The following AFG2A variants were observed in gnomAD, a reference collection of about 807,000 sequenced individuals.
The protein encoded by AFG2A is AAA ATPase AFG2A.
chr4:123,027,996 A>T, the AFG2A span, among the ~76,000 whole-genome samples: 1 of 151,192 alleles, frequency 6.6e-6, no homozygotes, highest in Non-Finnish European at 1.5e-5. Context: ...TTTTTACAAT[A>T]TGCAGTTCAC....
At chr4:123,003,220 A>G in the AFG2A span, among the ~76,000 whole-genome samples, 2 of 152,186 alleles carry the variant, frequency 1.3e-5, no homozygotes, top group South Asian at 2.1e-4. Context: ...AGTTTTTTCA[A>G]AGTTTTCAAC....
the AFG2A span, among the ~76,000 whole-genome samples, chr4:123,212,937 C>G: frequency 6.6e-6 from 1 of 152,080 alleles, no homozygotes; most frequent in Non-Finnish European, 1.5e-5. Context: ...TATAAAATAA[C>G]ACAGAGCCTG....
At chr4:123,076,463 T>C in the AFG2A span, among the ~76,000 whole-genome samples, 160 of 152,324 alleles carry the variant, frequency 1.1e-3, no homozygotes, top group African/African-American at 3.8e-3. Context: ...TATTTATGTT[T>C]GCAACATTCA....
the AFG2A span, among the ~76,000 whole-genome samples, chr4:123,113,564 A>G: frequency 6.6e-6 from 1 of 152,208 alleles, no homozygotes; most frequent in Non-Finnish European, 1.5e-5. Context: ...AGCAAGAGTG[A>G]TTGTGCTGAT....
the AFG2A span, among the ~76,000 whole-genome samples, chr4:122,982,864 C>CTTTTTTTTTTTTTTTTTTTTTTTTT: frequency 1.1e-5 from 1 of 93,766 alleles, no homozygotes; most frequent in Non-Finnish European, 1.9e-5. Context: ...TAATCTTCTT[C>CTTTTTTTTTTTTTTTTTTTTTTTTT]TTTTTTTTTT....
the AFG2A span, among the ~76,000 whole-genome samples, chr4:123,064,289 A>C: frequency 0.012 from 1,832 of 152,322 alleles, 40 homozygotes; most frequent in African/African-American, 0.041. Context: ...AAAATGGATA[A>C]TATGATAGGG....
the AFG2A span, among the ~76,000 whole-genome samples, chr4:122,998,729 G>A: frequency 2.6e-5 from 4 of 152,132 alleles, no homozygotes; most frequent in African/African-American, 9.7e-5. Flanking sequence ...CATTTGGGTT[G>A]GTTCCAAGTC....
the AFG2A span, among the ~76,000 whole-genome samples, chr4:123,111,888 C>T: frequency 6.6e-6 from 1 of 151,990 alleles, no homozygotes; most frequent in Non-Finnish European, 1.5e-5. Flanking sequence ...AGGCATGTGC[C>T]AATTTTTGTA....
At chr4:123,164,064 C>T in the AFG2A span, among the ~76,000 whole-genome samples, 3,325 of 152,252 alleles carry the variant, frequency 0.022, 65 homozygotes, top group Non-Finnish European at 0.035. Flanking sequence ...TTTGCTCTTT[C>T]TCTGCACATT....
the AFG2A span, among the ~76,000 whole-genome samples, chr4:123,098,852 C>T: frequency 1.3e-5 from 2 of 152,088 alleles, no homozygotes; most frequent in South Asian, 2.1e-4. Flanking sequence ...CTTGGACATA[C>T]TGATTTCATT....
the AFG2A span, among the ~76,000 whole-genome samples, chr4:123,000,369 C>A: frequency 2.6e-5 from 4 of 151,268 alleles, no homozygotes; most frequent in African/African-American, 9.7e-5. Flanking sequence ...GAGAGGGCAT[C>A]CCTGTCTTGT....
the AFG2A span, among the ~76,000 whole-genome samples, chr4:123,274,058 T>C: frequency 6.6e-6 from 1 of 152,180 alleles, no homozygotes; most frequent in African/African-American, 2.4e-5. Context: ...ACCTGCTTGA[T>C]AATCTATTCT....
the AFG2A span, among the ~76,000 whole-genome samples, chr4:123,258,529 A>G: frequency 6.6e-6 from 1 of 152,192 alleles, no homozygotes; most frequent in Non-Finnish European, 1.5e-5. Flanking sequence ...TTGTTACAAG[A>G]GGAGCCCTCT....
At chr4:123,255,222 T>C in the AFG2A span, among the ~76,000 whole-genome samples, 1 of 152,102 alleles carries the variant, frequency 6.6e-6, no homozygotes, top group Non-Finnish European at 1.5e-5. Context: ...TCCTTGCCCT[T>C]CCAAAGTGCT....
At chr4:123,130,583 A>C in the AFG2A span, among the ~76,000 whole-genome samples, 1 of 152,036 alleles carries the variant, frequency 6.6e-6, no homozygotes, top group Non-Finnish European at 1.5e-5. Flanking sequence ...GTGTTACTGT[A>C]TCAGTAGTTT....
chr4:123,203,159 T>TC, the AFG2A span, among the ~76,000 whole-genome samples: 6 of 112,676 alleles, frequency 5.3e-5, no homozygotes, highest in Non-Finnish European at 1.1e-4. Flanking sequence ...GTTGTACTTT[T>TC]TTTTTTTTTT....
At chr4:122,940,583 C>G in the AFG2A span, among the ~76,000 whole-genome samples, 8,017 of 151,374 alleles carry the variant, frequency 0.053, 567 homozygotes, top group African/African-American at 0.18. Flanking sequence ...TCTGTAGCTT[C>G]CCTGTTCACT....
chr4:123,002,910 G>C, the AFG2A span, among the ~76,000 whole-genome samples: 1 of 152,118 alleles, frequency 6.6e-6, no homozygotes, highest in Non-Finnish European at 1.5e-5. Flanking sequence ...TTTCCAACTT[G>C]GTTTCATTCT....
the AFG2A span, among the ~76,000 whole-genome samples, chr4:123,210,842 T>G: frequency 6.6e-6 from 1 of 152,126 alleles, no homozygotes; most frequent in East Asian, 1.9e-4. Context: ...TTTTTCTACA[T>G]CCTTGCCAAC....
Sources: allele counts gnomAD v4.1 joint callset (sites outside exome capture counted in the v4.1 genomes callset), GRCh38; gene constraint gnomAD v4.1.1; transcripts MANE v1.5; gene names NCBI Gene and HGNC (gene_info 2026-07-23, HGNC 2026-07-21).